CNBD1: variants seen among roughly 807,000 people sequenced by gnomAD.
The protein encoded by CNBD1 is cyclic nucleotide-binding domain-containing protein 1.
Under a neutral mutation model 54.4 loss-of-function variants are expected in CNBD1, and 71 were observed. That is an observed-to-expected ratio of 1.30 (90% CI 1.08 to 1.59). The LOEUF (loss-of-function observed/expected upper bound fraction) is 1.59, where lower values mean the gene tolerates loss of function less well. Among genes scored for constraint, CNBD1 ranks in the 40% most tolerant of loss-of-function variants. The pLI is 0.00. For synonymous variants in CNBD1, 182 were observed against 170.7 expected, an observed-to-expected ratio of 1.07 and a Z score of -0.51; for missense variants, 659 against 518.0, an observed-to-expected ratio of 1.27 and a Z score of -2.64.
At chr8:87,411,282 A>G (rs560371710) in intron 2 of CNBD1, among the ~76,000 whole-genome samples, 3 of 151,472 alleles carry the variant, frequency 2.0e-5, no homozygotes, top group Non-Finnish European at 1.5e-5. Flanking sequence ...GAGTGAATAA[A>G]CAACAGGATT....
chr8:86,986,974 A>T (rs1808623049), intron 4 of CNBD1, among the ~76,000 whole-genome samples: 2 of 152,028 alleles, frequency 1.3e-5, no homozygotes, highest in Admixed American at 1.3e-4. Flanking sequence ...CTTGCTTAGG[A>T]TTGCTTTGGC....
chr8:87,117,187 A>G (rs1363088731), intron 4 of CNBD1, among the ~76,000 whole-genome samples: 1 of 152,082 alleles, frequency 6.6e-6, no homozygotes, highest in Non-Finnish European at 1.5e-5. Flanking sequence ...TCACGAAGTC[A>G]GGAGTTCGAG....
At chr8:87,017,483 T>G (rs968710531) in intron 4 of CNBD1, among the ~76,000 whole-genome samples, 6 of 152,222 alleles carry the variant, frequency 3.9e-5, no homozygotes, top group African/African-American at 1.2e-4. Context: ...CTATGGAATA[T>G]TAACTAAAGC....
At chr8:86,959,773 G>T (rs1586163408) in intron 4 of CNBD1, among the ~76,000 whole-genome samples, 1 of 152,054 alleles carries the variant, frequency 6.6e-6, no homozygotes, top group South Asian at 2.1e-4. Context: ...AAGGTTTTTA[G>T]CTTCCTTGCG....
At chr8:86,866,899 T>G (rs1054004871) in intron 1 of CNBD1, among the ~76,000 whole-genome samples, 1 of 152,172 alleles carries the variant, frequency 6.6e-6, no homozygotes, top group Non-Finnish European at 1.5e-5. Context: ...TTCCACCAGC[T>G]ATCAGGTTCC....
At chr8:86,935,187 C>A (rs1809525651) in intron 3 of CNBD1, among the ~76,000 whole-genome samples, 1 of 152,124 alleles carries the variant, frequency 6.6e-6, no homozygotes, top group South Asian at 2.1e-4. Flanking sequence ...AGGCACCCAC[C>A]ACCATGCCTG....
intron 6 of CNBD1, among the ~76,000 whole-genome samples, chr8:87,276,239 G>A (rs1250214551): frequency 6.6e-6 from 1 of 151,738 alleles, no homozygotes; most frequent in African/African-American, 2.4e-5. Context: ...TTCCTTGGAT[G>A]TTACCAATGC....
At chr8:87,348,494 T>A (rs1293256597) in intron 8 of CNBD1, among the ~76,000 whole-genome samples, 32 of 152,282 alleles carry the variant, frequency 2.1e-4, no homozygotes, top group Non-Finnish European at 2.9e-5. Flanking sequence ...AAGATAACAT[T>A]AATTGGTACT....
At chr8:87,416,314 G>T (rs1348191367) in intron 2 of CNBD1, among the ~76,000 whole-genome samples, 1 of 152,010 alleles carries the variant, frequency 6.6e-6, no homozygotes. Context: ...TTCTATGAAA[G>T]TGTGATAAGA....
At chr8:86,984,741 A>G (rs757359643) in intron 4 of CNBD1, among the ~76,000 whole-genome samples, 2 of 152,150 alleles carry the variant, frequency 1.3e-5, no homozygotes, top group African/African-American at 2.4e-5. Context: ...TGGAATGGGT[A>G]TATTTACCCA....
intron 8 of CNBD1, among the ~76,000 whole-genome samples, chr8:87,329,586 T>C (rs1480094211): frequency 6.6e-6 from 1 of 152,082 alleles, no homozygotes; most frequent in Non-Finnish European, 1.5e-5. Context: ...TTATCAGAAC[T>C]TTGTAGTTTT....
intron 4 of CNBD1, among the ~76,000 whole-genome samples, chr8:87,099,177 G>A (rs1811381598): frequency 6.6e-6 from 1 of 151,628 alleles, no homozygotes; most frequent in Non-Finnish European, 1.5e-5. Flanking sequence ...AGAAAATGTT[G>A]TTGTTGTTTT....
At chr8:87,353,573 A>G (rs541320608) in intron 9 of CNBD1, 63 bp from the exon 10 acceptor site, 3 of 1,093,696 alleles carry the variant, frequency 2.7e-6, no homozygotes, top group African/African-American at 1.6e-5. Context: ...TCTGATAAAA[A>G]CAATACTGAT....
intron 4 of CNBD1, among the ~76,000 whole-genome samples, chr8:87,095,846 AC>A (rs1278897383): frequency 2.0e-5 from 3 of 151,968 alleles, no homozygotes; most frequent in African/African-American, 7.3e-5. Context: ...TTTAGTAGAG[AC>A]GGGGGTCTCA....
chr8:87,134,779 A>ATT (rs544188305), intron 4 of CNBD1, among the ~76,000 whole-genome samples: 1 of 141,750 alleles, frequency 7.1e-6, no homozygotes, highest in Admixed American at 7.0e-5. Flanking sequence ...ATATTTTTGA[A>ATT]TTTTTTTTTT....
intron 4 of CNBD1, among the ~76,000 whole-genome samples, chr8:87,080,774 G>A (rs1810975569): frequency 6.6e-6 from 1 of 152,058 alleles, no homozygotes; most frequent in East Asian, 1.9e-4. Flanking sequence ...AGCTAAGGTA[G>A]TTTGAGTCTT....
At position 86,886,796 on chromosome 8, in the gene CNBD1, T is replaced by G. The variant is rs543105014; in HGVS notation, c.89-746T>G. On this transcript the variant is annotated intron_variant, in intron 1 of 10. Coordinates refer to ENST00000518476, the MANE Select transcript of CNBD1 (RefSeq NM_173538.3). ...GTAATATGCCTAAGTGAGTATTTAT[T>G]ATTTTTTTTTACAACAGTTCTAATA... is the stretch of plus-strand genomic sequence containing the variant. 6.0e-4 allele frequency among the ~76,000 whole-genome samples: 91 copies of G among 152,264 alleles called. 1 individual carries two copies. The highest frequency in any genetic ancestry group is 1.0e-3 in the South Asian group (5 of 4,822).
At chr8:87,289,643 A>G (rs1167383338) in intron 8 of CNBD1, among the ~76,000 whole-genome samples, 2 of 152,192 alleles carry the variant, frequency 1.3e-5, no homozygotes, top group Non-Finnish European at 2.9e-5. Flanking sequence ...AACTAAAAAA[A>G]TTACAGCAAC....
rs147995280 is a variant in CNBD1, at chr8:87,340,379, G to A, written c.1043-11306G>A. ...TTGATTCTGTGTCTGTATGGGTGTG[G>A]AGTTCTTTTGATTTATTTTATTTGG... On this transcript the variant is annotated intron_variant, in intron 8 of 10. Coordinates refer to ENST00000518476, the MANE Select transcript of CNBD1 (RefSeq NM_173538.3). 5.4e-3 allele frequency among the ~76,000 whole-genome samples: 824 copies of A among 152,218 alleles called. 6 individuals are homozygous for A. Among genetic ancestry groups the A allele is most frequent in the African/African-American group, 0.019 (777 of 41,542 alleles).
Sources: allele counts gnomAD v4.1 joint callset (sites outside exome capture counted in the v4.1 genomes callset), GRCh38; gene constraint gnomAD v4.1.1; transcripts MANE v1.5; gene names NCBI Gene and HGNC (gene_info 2026-07-23, HGNC 2026-07-21).